ADD2: variants seen among roughly 807,000 people sequenced by gnomAD.
The protein encoded by ADD2 is adducin 2.
Under a neutral mutation model 83.0 loss-of-function variants are expected in ADD2, and 23 were observed. That is an observed-to-expected ratio of 0.28 (90% CI 0.20 to 0.39). The LOEUF is 0.39. Among genes scored for constraint, ADD2 ranks in the 10% least tolerant of loss-of-function variants. The pLI is 1.00. For missense variants in ADD2, 758 were observed against 944.9 expected, an observed-to-expected ratio of 0.80 and a Z score of 2.59; for synonymous variants, 375 against 375.4, an observed-to-expected ratio of 1.00 and a Z score of 0.01.
intron 9 of ADD2, among the ~76,000 whole-genome samples, chr2:70,684,711 A>G (rs1163081232): frequency 1.3e-5 from 2 of 152,254 alleles, no homozygotes; most frequent in Non-Finnish European, 2.9e-5. Flanking sequence ...GGAGACAGAT[A>G]AAATGCTTGT....
rs782151348 is a variant in ADD2, at chr2:70,677,862, C to T, written c.1399G>A (p.Glu467Lys). Reference sequence around the variant, plus strand: ...ATGCCACTGCTGGATTTCTCCACCTCGTCAGCCTTCATCCACTGCACAAAC... The same window carrying T: ...ATGCCACTGCTGGATTTCTCCACCTTGTCAGCCTTCATCCACTGCACAAAC... ...RPKTTWMKAD[E>K]VEKSSSGMPI... Residue 467 changes from glutamate (E) to lysine (K), a missense_variant, in exon 12 of 16, where the codon GAG (glutamate) becomes AAG (lysine). Physicochemically the swap from Glu to Lys is moderately conservative, Grantham distance 56 (BLOSUM62 1). Around this residue, in one of 5 missense-constraint regions of ADD2, gnomAD observed 394 missense variants for 509.3 expected, o/e 0.77. Coordinates refer to ENST00000264436, the MANE Select transcript of ADD2 (RefSeq NM_001617.4). 15 of 1,614,092 alleles carry T rather than the reference C, an allele frequency of 9.3e-6. No homozygotes were observed. The highest frequency in any genetic ancestry group is 4.5e-5 in the East Asian group (2 of 44,900).
At chr2:70,757,297 G>C (rs1054608723) in intron 1 of ADD2, among the ~76,000 whole-genome samples, 4 of 151,230 alleles carry the variant, frequency 2.6e-5, no homozygotes, top group Admixed American at 6.6e-5. Context: ...GTGGGGGGGG[G>C]GGATTTGTAC....
intron 1 of ADD2, 26 bp from the exon 2 acceptor site, chr2:70,713,210 T>C (rs1672289034): frequency 1.1e-6 from 1 of 937,068 alleles, no homozygotes; most frequent in South Asian, 4.9e-5. Context: ...ACGACAAGTG[T>C]CAGGGCCTGC....
At chr2:70,750,022 C>T (rs1185247680) in intron 1 of ADD2, among the ~76,000 whole-genome samples, 1 of 152,182 alleles carries the variant, frequency 6.6e-6, no homozygotes, top group Non-Finnish European at 1.5e-5. Context: ...GTAGGGTATA[C>T]ACAGGTCCTT....
At chr2:70,673,250 A>T in intron 14 of ADD2, 1 of 1,613,766 alleles carries the variant, frequency 6.2e-7, no homozygotes, top group Non-Finnish European at 8.5e-7. Flanking sequence ...CCAATATGTT[A>T]CTCCAGATGT....
intron 1 of ADD2, among the ~76,000 whole-genome samples, chr2:70,729,346 C>T (rs1445204596): frequency 6.6e-6 from 1 of 152,178 alleles, no homozygotes; most frequent in Non-Finnish European, 1.5e-5. Flanking sequence ...AGCCACTTCC[C>T]CAAGCCTTGT....
intron 15 of ADD2, among the ~76,000 whole-genome samples, chr2:70,665,830 T>C (rs1675773625): frequency 6.6e-6 from 1 of 151,836 alleles, no homozygotes; most frequent in Non-Finnish European, 1.5e-5. Context: ...TTTTTTTTTT[T>C]TCCCGAAACA....
chr2:70,663,256 G>T lies in ADD2; in HGVS notation c.*169C>A. 5.4e-6 allele frequency: 4 copies of T among 746,272 alleles called. No homozygotes were observed. Among genetic ancestry groups the T allele is most frequent in the South Asian group, 1.9e-5 (1 of 52,068 alleles). The allele number at this position is 746,272 out of a possible 1,614,324, so 46.2% of individuals were successfully genotyped here. A position where few individuals can be genotyped will look rare whatever the true frequency, so the allele number is the denominator to read the frequency against. ...TTGGGCAAGTCACCTGATTTCTCTTGGGCAACTGTAAAACGAAGGGTTGGT... is the reference window on the plus strand; with the variant it reads ...TTGGGCAAGTCACCTGATTTCTCTTTGGCAACTGTAAAACGAAGGGTTGGT... On this transcript the variant is annotated 3_prime_UTR_variant, in exon 16 of 16. Transcript: ENST00000264436.
intron 2 of ADD2, among the ~76,000 whole-genome samples, chr2:70,711,490 G>T (rs1321642712): frequency 2.6e-5 from 4 of 152,042 alleles, no homozygotes; most frequent in African/African-American, 9.7e-5. Flanking sequence ...CAGACAAGTG[G>T]CAAATGATTT....
intron 14 of ADD2, 116 bp downstream of exon 14, chr2:70,674,547 TTTGTGATTAATGGAA>T (rs1670039675): frequency 1.9e-6 from 2 of 1,027,656 alleles, no homozygotes; most frequent in Non-Finnish European, 2.8e-6. Flanking sequence ...GAAGGGCATT[TTTGTGATTAATGGAA>T]CTACAGTAGA....
At chr2:70,727,865 C>T (rs1202780459) in intron 1 of ADD2, among the ~76,000 whole-genome samples, 1 of 151,520 alleles carries the variant, frequency 6.6e-6, no homozygotes, top group Non-Finnish European at 1.5e-5. Context: ...CACTGCACTC[C>T]AGCCTGGGCG....
chr2:70,725,135 C>G (rs1256140492), intron 1 of ADD2, among the ~76,000 whole-genome samples: 1 of 152,196 alleles, frequency 6.6e-6, no homozygotes, highest in Admixed American at 6.5e-5. Context: ...ATCTGTAAAG[C>G]AGAGTGGTAA....
intron 1 of ADD2, among the ~76,000 whole-genome samples, chr2:70,734,910 T>C (rs1344498479): frequency 6.6e-6 from 1 of 152,188 alleles, no homozygotes; most frequent in East Asian, 1.9e-4. Flanking sequence ...CTATTTCCCA[T>C]AGCCCTGGAA....
intron 1 of ADD2, among the ~76,000 whole-genome samples, chr2:70,761,875 A>C (rs1157543074): frequency 6.6e-6 from 1 of 151,226 alleles, no homozygotes; most frequent in African/African-American, 2.4e-5. Context: ...GTTTCACCAT[A>C]TTAGCCAGGA....
Position 70,706,377 on chromosome 2 carries a change from G to C in ADD2, c.32C>G (p.Ser11Trp). 1 of 1,611,332 alleles carries C rather than the reference G, an allele frequency of 6.2e-7. No homozygotes were observed. The highest frequency in any genetic ancestry group is 8.5e-7 in the Non-Finnish European group (1 of 1,178,752). Residue 11 changes from serine to tryptophan, a missense_variant, in exon 3 of 16, where the codon TCG becomes TGG. Transcript: ENST00000264436. This position sits in a 1 kb window ranked among gnomAD's most constrained non-coding sequence, Gnocchi z 5.0. The part of the protein sequence containing the change: MSEETVPEAA[S>W]PPPPQGQPYF... ...AGGCTGCCCCTGCGGGGGCGGCGGC[G>C]AGGCAGCCTCGGGGACCGTCTCTTC... is the stretch of plus-strand genomic sequence containing the variant.
chr2:70,746,065 G>GATA (rs2104514371), intron 1 of ADD2, among the ~76,000 whole-genome samples: 1 of 152,306 alleles, frequency 6.6e-6, no homozygotes, highest in South Asian at 2.1e-4. Context: ...CTGTCGTTAT[G>GATA]ATAATGACTT....
At chr2:70,679,143 G>T (rs1553369084) in intron 10 of ADD2, among the ~76,000 whole-genome samples, 182 bp from the exon 11 acceptor site, 1 of 151,936 alleles carries the variant, frequency 6.6e-6, no homozygotes, top group East Asian at 1.9e-4. Context: ...CCTCCTCCTG[G>T]TCCCCCATCC....
chr2:70,657,711 G>A lies in ADD2; in HGVS notation c.*5714C>T, dbSNP rs1219408213. ...CATTATACAAGATAATTTGCTGGGG[G>A]AGAGAAGAGTTTAGGGTCTTTCTAC... On this transcript the variant is annotated 3_prime_UTR_variant, in exon 16 of 16. Coordinates refer to ENST00000264436, the MANE Select transcript of ADD2 (RefSeq NM_001617.4). The A allele has an allele frequency of 1.3e-5, 2 of 152,140 alleles. No individual in the cohort carries two copies. Among genetic ancestry groups the A allele is most frequent in the African/African-American group, 2.4e-5 (1 of 41,368 alleles). The allele number at this position is 152,140 out of a possible 1,614,324, so 9.4% of individuals were successfully genotyped here. A position where few individuals can be genotyped will look rare whatever the true frequency, so the allele number is the denominator to read the frequency against.
chr2:70,666,570 T>G (rs1223021076), intron 15 of ADD2, among the ~76,000 whole-genome samples: 1 of 152,234 alleles, frequency 6.6e-6, no homozygotes, highest in Non-Finnish European at 1.5e-5. Context: ...GGCACTTGCC[T>G]TCTAGCTCCG....
Sources: allele counts gnomAD v4.1 joint callset (sites outside exome capture counted in the v4.1 genomes callset), GRCh38; gene constraint gnomAD v4.1.1; regional missense constraint gnomAD v4.1.1; non-coding constraint Gnocchi (gnomAD v3.1); transcripts MANE v1.5; gene names NCBI Gene and HGNC (gene_info 2026-07-23, HGNC 2026-07-21).